The following ELAPOR2 variants were observed in gnomAD, a reference collection of about 807,000 sequenced individuals.
ELAPOR2 encodes endosome/lysosome-associated apoptosis and autophagy regulator family member 2.
Under a neutral mutation model 120.7 loss-of-function variants are expected in ELAPOR2, and 89 were observed. The observed-to-expected ratio is 0.74, with a 90% CI of 0.62 to 0.88. The LOEUF is 0.88. Among genes scored for constraint, ELAPOR2 ranks in the 40% least tolerant of loss-of-function variants. The pLI is 0.00. For missense variants in ELAPOR2, 1,134 were observed against 1,251.6 expected (o/e 0.91, Z 1.42); for synonymous variants, 444 against 444.9 (o/e 1.00, Z 0.03).
At chr7:86,909,482 TTGTG>T in intron 16 of ELAPOR2, among the ~76,000 whole-genome samples, 1 of 152,246 alleles carries the variant, frequency 6.6e-6, no homozygotes, top group South Asian at 2.1e-4. Flanking sequence ...TTAGGTGTAG[TTGTG>T]TTTGTTTACT....
intron 21 of ELAPOR2, among the ~76,000 whole-genome samples, chr7:86,887,145 T>C (rs1444093212): frequency 2.6e-5 from 4 of 152,108 alleles, no homozygotes; most frequent in Non-Finnish European, 5.9e-5. Context: ...AAATAGATCT[T>C]AGTTTTGGAT....
At chr7:86,904,914 C>T (rs1277919676) in intron 18 of ELAPOR2, among the ~76,000 whole-genome samples, 1 of 152,082 alleles carries the variant, frequency 6.6e-6, no homozygotes, top group Non-Finnish European at 1.5e-5. Context: ...TCTGCACTAC[C>T]AAAGTCTCCT....
chr7:86,920,993 T>C (rs1396551865), intron 10 of ELAPOR2: 2 of 152,104 alleles, frequency 1.3e-5, no homozygotes, highest in East Asian at 3.9e-4. Flanking sequence ...TGTAGGTAAA[T>C]TCCCCTAATA....
intron 1 of ELAPOR2, among the ~76,000 whole-genome samples, chr7:87,017,070 T>C (rs1234016316): frequency 6.6e-6 from 1 of 152,128 alleles, no homozygotes; most frequent in African/African-American, 2.4e-5. Flanking sequence ...GAAAAAAAGA[T>C]AAATGCCATA....
chr7:87,032,979 G>GA (rs1055038219), intron 1 of ELAPOR2, among the ~76,000 whole-genome samples: 1 of 152,076 alleles, frequency 6.6e-6, no homozygotes, highest in Non-Finnish European at 1.5e-5. Context: ...TCTCTACCTT[G>GA]AAAAAAAGAA....
At chr7:86,898,559 C>CAAAAAAAAAAAAAAAAAAAAA (rs11418158) in intron 18 of ELAPOR2, among the ~76,000 whole-genome samples, 2 of 66,588 alleles carry the variant, frequency 3.0e-5, no homozygotes, top group African/African-American at 5.2e-5. Flanking sequence ...ACACAATGAC[C>CAAAAAAAAAAAAAAAAAAAAA]AAAAAAAAAA....
chr7:86,960,043 T>G (rs1214701220), intron 2 of ELAPOR2, among the ~76,000 whole-genome samples: 1 of 152,244 alleles, frequency 6.6e-6, no homozygotes, highest in Non-Finnish European at 1.5e-5. Context: ...ATTTCTGGTT[T>G]CACTCCATTG....
At chr7:87,059,162 C>T (rs1178403515) in intron 1 of ELAPOR2, among the ~76,000 whole-genome samples, 163 bp downstream of exon 1, 6 of 151,988 alleles carry the variant, frequency 3.9e-5, no homozygotes, top group African/African-American at 4.8e-5. Flanking sequence ...TCCGGGCCAG[C>T]TACCAGGGCG....
intron 15 of ELAPOR2, 59 bp from the exon 16 acceptor site, chr7:86,910,060 C>T: frequency 7.5e-7 from 1 of 1,333,386 alleles, no homozygotes; most frequent in Non-Finnish European, 1.0e-6. Context: ...TAAACTTAAT[C>T]TTGACTAGCT....
chr7:86,979,220 A>C (rs1792379293), intron 1 of ELAPOR2, among the ~76,000 whole-genome samples: 1 of 152,220 alleles, frequency 6.6e-6, no homozygotes, highest in Non-Finnish European at 1.5e-5. Context: ...AATATAATTA[A>C]GAGGACAAAA....
At chr7:86,993,579 T>C (rs1562959891) in intron 1 of ELAPOR2, among the ~76,000 whole-genome samples, 1 of 152,232 alleles carries the variant, frequency 6.6e-6, no homozygotes. Context: ...CTGATGCTGA[T>C]AAATCTCTTT....
chr7:86,898,703 A>G (rs905680621), intron 18 of ELAPOR2, among the ~76,000 whole-genome samples: 8 of 152,148 alleles, frequency 5.3e-5, no homozygotes, highest in Admixed American at 1.3e-4. Context: ...AACAGGTATG[A>G]TTAATTGGCA....
intron 1 of ELAPOR2, among the ~76,000 whole-genome samples, chr7:86,983,625 C>T (rs949790272): frequency 2.0e-5 from 3 of 152,142 alleles, no homozygotes; most frequent in African/African-American, 7.2e-5. Context: ...CCTTTAAAGA[C>T]AAACAAATGC....
chr7:86,967,922 G>C (rs1791972459), intron 1 of ELAPOR2, among the ~76,000 whole-genome samples: 1 of 152,048 alleles, frequency 6.6e-6, no homozygotes, highest in Admixed American at 6.6e-5. Flanking sequence ...TCATGCAGAG[G>C]GCAGACCTTG....
At chr7:86,957,167 T>C (rs916042729) in intron 2 of ELAPOR2, among the ~76,000 whole-genome samples, 4 of 152,244 alleles carry the variant, frequency 2.6e-5, no homozygotes, top group African/African-American at 9.6e-5. Context: ...CTTTCAGCTA[T>C]CACTTGTGTG....
At chr7:86,887,438 T>G (rs541632696) in intron 21 of ELAPOR2, among the ~76,000 whole-genome samples, 362 of 152,250 alleles carry the variant, frequency 2.4e-3, no homozygotes, top group Non-Finnish European at 3.2e-3. Context: ...TTTGACCACC[T>G]CTTTGGGCTA....
chr7:86,937,316 C>A (rs1314847580), intron 8 of ELAPOR2, among the ~76,000 whole-genome samples: 2 of 151,952 alleles, frequency 1.3e-5, no homozygotes, highest in Admixed American at 1.3e-4. Context: ...TCTAGGGATG[C>A]AAAAACAAGA....
chr7:86,930,981 T>C (rs1469516083), intron 8 of ELAPOR2, among the ~76,000 whole-genome samples: 8 of 152,002 alleles, frequency 5.3e-5, no homozygotes, highest in African/African-American at 1.9e-4. Context: ...AGTCTAATAG[T>C]GATAAGACAG....
chr7:86,910,102 C>T, intron 15 of ELAPOR2, 101 bp from the exon 16 acceptor site: 1 of 833,346 alleles, frequency 1.2e-6, no homozygotes, highest in South Asian at 1.9e-5. Context: ...GCTCTCTCCT[C>T]ACTGCAAGGA....
Sources: gnomAD v4.1 joint callset for allele counts (sites outside exome capture counted in the v4.1 genomes callset) on GRCh38, gnomAD v4.1.1 for gene constraint, MANE v1.5 for transcripts, NCBI Gene and HGNC (gene_info 2026-07-23, HGNC 2026-07-21) for gene names.